Variants in TAFA4 observed in about 807,000 individuals in gnomAD.
TAFA4 encodes TAFA chemokine like family member 4, also known as chemokine-like protein TAFA-4.
TAFA4 carries 20 observed loss-of-function variants against 21.1 expected under a neutral mutation model. The ratio of observed to expected loss-of-function variants is 0.95; its 90% CI spans 0.67 to 1.38. The LOEUF (loss-of-function observed/expected upper bound fraction) is 1.38. TAFA4 is among the 40% of genes most tolerant of loss of function. The probability of loss-of-function intolerance (pLI) is 0.00; values close to 1 mark genes in which losing one functional copy is unlikely to be tolerated. For missense variants in TAFA4, 211 were observed against 180.9 expected (o/e 1.17, Z -0.95); for synonymous variants, 71 against 67.4 (o/e 1.05, Z -0.26).
intron 3 of TAFA4, among the ~76,000 whole-genome samples, chr3:68,844,350 G>T (rs1012387511): frequency 6.6e-6 from 1 of 151,968 alleles, no homozygotes; most frequent in Admixed American, 6.6e-5. Context: ...ATTTCTGTGG[G>T]ATCAGTGGTG....
At chr3:68,923,630 G>A (rs757567569) in intron 1 of TAFA4, among the ~76,000 whole-genome samples, 9 of 151,996 alleles carry the variant, frequency 5.9e-5, no homozygotes, top group Non-Finnish European at 1.3e-4. Flanking sequence ...TTTATTGCCT[G>A]TTATTATTTT....
intron 3 of TAFA4, among the ~76,000 whole-genome samples, chr3:68,822,190 A>T (rs1704128032): frequency 6.6e-6 from 1 of 152,214 alleles, no homozygotes; most frequent in Admixed American, 6.5e-5. Flanking sequence ...ATAAACTGTT[A>T]TTGAGTCAAA....
chr3:68,896,396 T>C (rs2089789386), intron 1 of TAFA4, among the ~76,000 whole-genome samples: 1 of 152,120 alleles, frequency 6.6e-6, no homozygotes. Flanking sequence ...TGGAGCAGGA[T>C]GGTGACAACA....
chr3:68,903,698 A>G (rs1165596448), intron 1 of TAFA4, among the ~76,000 whole-genome samples: 1 of 152,190 alleles, frequency 6.6e-6, no homozygotes, highest in Non-Finnish European at 1.5e-5. Flanking sequence ...GGTTTGTTAT[A>G]TAAGTGGATT....
At chr3:68,857,834 A>T (rs1380376241) in intron 3 of TAFA4, among the ~76,000 whole-genome samples, 1 of 152,082 alleles carries the variant, frequency 6.6e-6, no homozygotes, top group Non-Finnish European at 1.5e-5. Flanking sequence ...AAAGAAAAAA[A>T]AACAAAGAAA....
intron 1 of TAFA4, among the ~76,000 whole-genome samples, chr3:68,902,106 C>G (rs2089849097): frequency 6.6e-6 from 1 of 152,176 alleles, no homozygotes; most frequent in Admixed American, 6.5e-5. Context: ...TTAATCCCCT[C>G]TAATGTACTT....
At chr3:68,921,493 C>T (rs1004893489) in intron 1 of TAFA4, among the ~76,000 whole-genome samples, 1 of 152,138 alleles carries the variant, frequency 6.6e-6, no homozygotes, top group Non-Finnish European at 1.5e-5. Context: ...TTCATTTAAG[C>T]AAATGCAGAA....
At chr3:68,931,814 T>C (rs533954307) in intron 1 of TAFA4, among the ~76,000 whole-genome samples, 4 of 152,164 alleles carry the variant, frequency 2.6e-5, no homozygotes, top group Non-Finnish European at 5.9e-5. Flanking sequence ...ACCTGCTTGC[T>C]CCTAGAAAGA....
intron 3 of TAFA4, among the ~76,000 whole-genome samples, chr3:68,782,433 T>C (rs1309258891): frequency 6.6e-6 from 1 of 152,128 alleles, no homozygotes; most frequent in East Asian, 1.9e-4. Flanking sequence ...CAAAAACTTA[T>C]ACACAAATGT....
At chr3:68,790,484 A>ATT (rs992404572) in intron 3 of TAFA4, among the ~76,000 whole-genome samples, 5 of 152,210 alleles carry the variant, frequency 3.3e-5, no homozygotes, top group African/African-American at 1.2e-4. Context: ...TAAAAGAGAG[A>ATT]TTATCAGATT....
chr3:68,805,771 C>T (rs1361125259), intron 3 of TAFA4, among the ~76,000 whole-genome samples: 1 of 147,506 alleles, frequency 6.8e-6, no homozygotes, highest in Non-Finnish European at 1.5e-5. Context: ...CACATGGACA[C>T]AGGAAGGGGA....
intron 3 of TAFA4, among the ~76,000 whole-genome samples, chr3:68,842,406 T>A (rs996265634): frequency 1.3e-5 from 2 of 152,234 alleles, no homozygotes; most frequent in Non-Finnish European, 2.9e-5. Flanking sequence ...TTTATTCTTG[T>A]AAATTTGTTT....
chr3:68,805,535 G>C (rs1271282389), intron 3 of TAFA4, among the ~76,000 whole-genome samples: 2 of 152,150 alleles, frequency 1.3e-5, no homozygotes, highest in African/African-American at 2.4e-5. Flanking sequence ...ATTCACAATA[G>C]CAAAGACTTG....
intron 1 of TAFA4, among the ~76,000 whole-genome samples, chr3:68,911,015 AT>A (rs1175921402): frequency 6.6e-6 from 1 of 152,234 alleles, no homozygotes; most frequent in Non-Finnish European, 1.5e-5. Flanking sequence ...TTAATTTTGC[AT>A]TCTCCAAAAG....
At chr3:68,880,650 A>T in intron 3 of TAFA4, 80 bp downstream of exon 3, 1 of 1,138,640 alleles carries the variant, frequency 8.8e-7, no homozygotes, top group South Asian at 1.3e-5. Context: ...CACATCAGTT[A>T]TCTGTGTCTA....
chr3:68,799,634 G>A (rs1341074829), intron 3 of TAFA4, among the ~76,000 whole-genome samples: 2 of 152,188 alleles, frequency 1.3e-5, no homozygotes, highest in African/African-American at 4.8e-5. Context: ...AGAGGCAGGA[G>A]GATCAGTCAG....
chr3:68,818,284 G>A (rs976868885), intron 3 of TAFA4, among the ~76,000 whole-genome samples: 2 of 152,186 alleles, frequency 1.3e-5, no homozygotes, highest in African/African-American at 2.4e-5. Context: ...AAGAGAGTTA[G>A]GGGTTTGCTT....
intron 3 of TAFA4, among the ~76,000 whole-genome samples, chr3:68,805,643 C>A (rs1703678783): frequency 6.6e-6 from 1 of 152,144 alleles, no homozygotes; most frequent in Non-Finnish European, 1.5e-5. Flanking sequence ...TGGTGAGTTC[C>A]TGTCCTTTAT....
At chr3:68,809,418 A>G (rs1703779252) in intron 3 of TAFA4, among the ~76,000 whole-genome samples, 1 of 152,158 alleles carries the variant, frequency 6.6e-6, no homozygotes, top group African/African-American at 2.4e-5. Context: ...TAGAAATATA[A>G]TTGGTTGCCA....
Sources: gnomAD v4.1 joint callset for allele counts (sites outside exome capture counted in the v4.1 genomes callset) on GRCh38, gnomAD v4.1.1 for gene constraint, MANE v1.5 for transcripts, NCBI Gene and HGNC (gene_info 2026-07-23, HGNC 2026-07-21) for gene names.